The following IRF4 variants were observed in gnomAD, a reference collection of about 807,000 sequenced individuals.
The protein encoded by IRF4 is interferon regulatory factor 4, also known as lymphocyte-specific interferon regulatory factor.
IRF4 carries 13 observed loss-of-function variants against 55.5 expected under a neutral mutation model. That is an observed-to-expected ratio of 0.23 (90% CI 0.15 to 0.37). IRF4 has a LOEUF of 0.37. Ranked by LOEUF, IRF4 falls within the 10% of genes least tolerant of loss-of-function variation. The pLI, the probability that IRF4 is intolerant of heterozygous loss-of-function variation, is 1.00. For missense variants in IRF4, 397 were observed against 593.8 expected, an observed-to-expected ratio of 0.67 and a Z score of 3.44; for synonymous variants, 249 against 240.7, an observed-to-expected ratio of 1.03 and a Z score of -0.32.
intron 8 of IRF4, chr6:406,878 A>G: frequency 9.4e-7 from 1 of 1,067,742 alleles, no homozygotes; most frequent in Non-Finnish European, 1.1e-6. Flanking sequence ...AAAGCTGAAC[A>G]TTAAGGCGTT....
Position 398,833 on chromosome 6 carries a change from C to A in IRF4, c.643C>A (p.Gln215Lys). ...ATTTTTATTTGCAAATGCAGGTTGC[C>A]AGGTGACAGGAACCTTTTATGCTTG... ...WQGPACENGC[Q>K]VTGTFYACAP... is the part of the protein sequence containing the mutation. Residue 215 changes from glutamine (Q) to lysine (K), a missense_variant, in exon 6 of 9, where the codon CAG becomes AAG. Physicochemically the swap from Gln to Lys is moderately conservative, Grantham distance 53. Around this residue, in one of 3 missense-constraint regions of IRF4, gnomAD observed 341 missense variants for 548.1 expected, o/e 0.62. Transcript: ENST00000380956. 1 of 1,612,692 alleles carries A rather than the reference C, an allele frequency of 6.2e-7. No individual in the cohort carries two copies.
intron 8 of IRF4, 55 bp downstream of exon 8, chr6:405,185 A>G: frequency 1.0e-6 from 1 of 964,434 alleles, no homozygotes. Flanking sequence ...TGTAAAGGCC[A>G]GAGTTTCATT....
chr6:400,789 T>A (rs931638830), intron 6 of IRF4, among the ~76,000 whole-genome samples: 2 of 36,848 alleles, frequency 5.4e-5, no homozygotes, highest in Non-Finnish European at 1.5e-4. Flanking sequence ...AATTTATATA[T>A]GTACACACAC....
chr6:394,328 G>T (rs914802233), intron 2 of IRF4, among the ~76,000 whole-genome samples: 5 of 152,310 alleles, frequency 3.3e-5, no homozygotes, highest in African/African-American at 1.2e-4. Context: ...CTTCAACTTG[G>T]CAGTGATAGG....
At chr6:406,467 A>G (rs1488659910) in intron 8 of IRF4, among the ~76,000 whole-genome samples, 1 of 152,142 alleles carries the variant, frequency 6.6e-6, no homozygotes, top group Non-Finnish European at 1.5e-5. Context: ...ACTTGAACCC[A>G]GGAGTCAGAG....
intron 8 of IRF4, among the ~76,000 whole-genome samples, chr6:406,208 TA>T (rs1160454443): frequency 6.6e-6 from 1 of 152,242 alleles, no homozygotes; most frequent in African/African-American, 2.4e-5. Flanking sequence ...CAGGAATTGC[TA>T]AATGACTAAA....
Position 393,542 on chromosome 6 carries a change from G to T in IRF4, c.216+174G>T, listed in dbSNP as rs1761177123. On this transcript the variant is annotated intron_variant, in intron 2 of 8. Coordinates refer to ENST00000380956, the MANE Select transcript of IRF4 (RefSeq NM_002460.4). This position sits in a 1 kb window ranked among gnomAD's most constrained non-coding sequence, Gnocchi z 5.4. ...CGCAGGAGGAGGAAAGGAGGCCTCG[G>T]CTCTCAGCGGGACCGCGGGGGCCGG... Among the ~76,000 whole-genome samples the T allele has an allele frequency of 6.6e-6, 1 of 152,010 alleles. No homozygotes were observed. The highest frequency in any genetic ancestry group is 6.5e-5 in the Admixed American group (1 of 15,280).
chr6:395,475 C>T (rs1761228198), intron 3 of IRF4, among the ~76,000 whole-genome samples: 1 of 152,116 alleles, frequency 6.6e-6, no homozygotes, highest in Non-Finnish European at 1.5e-5. Context: ...TTCCTGGACC[C>T]CTCTTTTCAA....
At position 411,186 on chromosome 6, in the gene IRF4, C is replaced by G; in HGVS notation, c.*3588C>G. The G allele has an allele frequency of 4.3e-6, 1 of 231,394 alleles. No homozygotes were observed. Among genetic ancestry groups the G allele is most frequent in the Non-Finnish European group, 8.6e-6 (1 of 116,738 alleles). The allele number at this position is 231,394 out of a possible 1,614,324, so 14.3% of individuals were successfully genotyped here. A position where few individuals can be genotyped will look rare whatever the true frequency, so the allele number is the denominator to read the frequency against. On this transcript the variant is annotated 3_prime_UTR_variant, in exon 9 of 9. Transcript: ENST00000380956. ...GTCCACTTCCCCCTCTTCAGCATCC[C>G]CCGTACCCCACTTTCTGCTGAAAGA...
At position 410,696 on chromosome 6, in the gene IRF4, T is replaced by C. The variant is rs1761677743; in HGVS notation, c.*3098T>C. 1 of 231,848 alleles carries C rather than the reference T, an allele frequency of 4.3e-6. No homozygotes were observed. Among genetic ancestry groups the C allele is most frequent in the South Asian group, 1.8e-4 (1 of 5,506 alleles). The allele number at this position is 231,848 out of a possible 1,614,324, so 14.4% of individuals were successfully genotyped here. The stretch of plus-strand genomic sequence containing the variant: ...GTGTGCGTGTCAGTTACTTTTTTAG[T>C]AACAATTCAGATCCAGTGTAAACTT... On this transcript the variant is annotated 3_prime_UTR_variant, in exon 9 of 9. Transcript: ENST00000380956.
Position 407,578 on chromosome 6 carries a change from C to T in IRF4, c.1336C>T (p.His446Tyr), listed in dbSNP as rs1237888981. Residue 446 changes from histidine (H) to tyrosine (Y), a missense_variant, in exon 9 of 9, where the codon CAT (histidine) becomes TAT (tyrosine). By Grantham distance (83) the His-to-Tyr change is moderately conservative (BLOSUM62 2). Around this residue, in one of 3 missense-constraint regions of IRF4, gnomAD observed 22 missense variants for 16.3 expected, o/e 1.35. Transcript: ENST00000380956. ...NPEDYHRSIR[H>Y]SSIQE ...AGAAGATTACCACAGATCTATCCGC[C>T]ATTCCTCTATTCAAGAATGAAAAAT... 1.2e-6 allele frequency: 2 copies of T among 1,606,298 alleles called. No homozygotes were observed. The highest frequency in any genetic ancestry group is 2.3e-5 in the South Asian group (2 of 88,566).
At chr6:399,320 C>T (rs891000943) in intron 6 of IRF4, among the ~76,000 whole-genome samples, 2 of 152,158 alleles carry the variant, frequency 1.3e-5, no homozygotes, top group Non-Finnish European at 2.9e-5. Context: ...AGAAGCTGAT[C>T]ATCCTTCCAG....
At position 411,223 on chromosome 6, in the gene IRF4, G is replaced by T; in HGVS notation, c.*3625G>T. On this transcript the variant is annotated 3_prime_UTR_variant, in exon 9 of 9. Transcript: ENST00000380956. ...TTTCTGCTGAAAGAACTGCCAGCAGGTAGGACCCCAGAGGCCCCCAAATGA... is the reference window on the plus strand; with the variant it reads ...TTTCTGCTGAAAGAACTGCCAGCAGTTAGGACCCCAGAGGCCCCCAAATGA... 4.3e-6 allele frequency: 1 copy of T among 230,102 alleles called. No individual in the cohort carries two copies. Among genetic ancestry groups the T allele is most frequent in the Non-Finnish European group, 8.6e-6 (1 of 115,904 alleles). The allele number at this position is 230,102 out of a possible 1,614,324, so 14.3% of individuals were successfully genotyped here. A position where few individuals can be genotyped will look rare whatever the true frequency, so the allele number is the denominator to read the frequency against.
chr6:409,932 G>T lies in IRF4; in HGVS notation c.*2334G>T. ...CTTTAACAGTGGAGCTGAATTTTCT[G>T]GAAAATGCTTCTTGGCTGGGGCCAC... On this transcript the variant is annotated 3_prime_UTR_variant, in exon 9 of 9. Coordinates refer to ENST00000380956, the MANE Select transcript of IRF4 (RefSeq NM_002460.4). 1 of 229,292 alleles carries T rather than the reference G, an allele frequency of 4.4e-6. No homozygotes were observed. Among genetic ancestry groups the T allele is most frequent in the South Asian group, 1.8e-4 (1 of 5,500 alleles). 14.2% of individuals were successfully genotyped at this position (229,292 alleles called of 1,614,324 possible). A position where few individuals can be genotyped will look rare whatever the true frequency, so the allele number is the denominator to read the frequency against.
Position 410,963 on chromosome 6 carries a change from T to C in IRF4, c.*3365T>C. 1 of 231,164 alleles carries C rather than the reference T, an allele frequency of 4.3e-6. No individual in the cohort carries two copies. Among genetic ancestry groups the C allele is most frequent in the South Asian group, 1.8e-4 (1 of 5,406 alleles). The allele number at this position is 231,164 out of a possible 1,614,324, so 14.3% of individuals were successfully genotyped here. ...ATGCAGGTGGATCTCCTTGAGATCC[T>C]GATAGCCTGTTACAGGAATGAAGTA... On this transcript the variant is annotated 3_prime_UTR_variant, in exon 9 of 9. Transcript: ENST00000380956.
rs1025298267 is a variant in IRF4, at chr6:408,800, G to A, written c.*1202G>A. The A allele has an allele frequency of 3.9e-5, 9 of 233,586 alleles. No homozygotes were observed. Among genetic ancestry groups the A allele is most frequent in the African/African-American group, 2.0e-4 (9 of 45,248 alleles). The allele number at this position is 233,586 out of a possible 1,614,324, so 14.5% of individuals were successfully genotyped here. A position where few individuals can be genotyped will look rare whatever the true frequency, so the allele number is the denominator to read the frequency against. On this transcript the variant is annotated 3_prime_UTR_variant, in exon 9 of 9. Transcript: ENST00000380956. ...CTGCCAGGACCCACCACTGGAAGCAGGATGGAGCTGACTACGGAACTGCAC... is the reference window on the plus strand; with the variant it reads ...CTGCCAGGACCCACCACTGGAAGCAAGATGGAGCTGACTACGGAACTGCAC...
chr6:403,962 A>G (rs1159670664), intron 7 of IRF4, among the ~76,000 whole-genome samples: 2 of 152,192 alleles, frequency 1.3e-5, no homozygotes, highest in East Asian at 3.8e-4. Context: ...ATTCTGGAAA[A>G]AAAAAAAAGC....
At chr6:391,967 A>G (rs571270882) in intron 1 of IRF4, 158 bp downstream of exon 1, 4 of 416,022 alleles carry the variant, frequency 9.6e-6, no homozygotes, top group South Asian at 5.0e-5. Context: ...CTCCCACCCC[A>G]TCTGCGCTGA....
At chr6:396,327 C>T (rs187310567) in intron 4 of IRF4, among the ~76,000 whole-genome samples, 28 of 152,352 alleles carry the variant, frequency 1.8e-4, no homozygotes, top group African/African-American at 6.7e-4. Flanking sequence ...AAGGCAAATT[C>T]CCCTGTGGTA....
Sources: gnomAD v4.1 joint callset for allele counts (sites outside exome capture counted in the v4.1 genomes callset) on GRCh38, gnomAD v4.1.1 for gene constraint, gnomAD v4.1.1 regional missense constraint, Gnocchi (gnomAD v3.1) non-coding constraint, MANE v1.5 for transcripts, NCBI Gene and HGNC (gene_info 2026-07-23, HGNC 2026-07-21) for gene names.